PLXNC1: variants seen among roughly 807,000 people sequenced by gnomAD.
The protein encoded by PLXNC1 is plexin C1, also known as plexin-C1.
In PLXNC1, 75 loss-of-function variants were observed where a neutral mutation model predicts 178.2. The ratio of observed to expected loss-of-function variants is 0.42; its 90% CI spans 0.35 to 0.51. The LOEUF is 0.51. Ranked by LOEUF, PLXNC1 falls within the 20% of genes least tolerant of loss-of-function variation. PLXNC1 has a pLI of 0.02. For synonymous variants in PLXNC1, 790 were observed against 779.9 expected, an observed-to-expected ratio of 1.01 and a Z score of -0.22; for missense variants, 1,503 against 1,984.4, an observed-to-expected ratio of 0.76 and a Z score of 4.61.
rs1963961555 is a variant in PLXNC1 at position 94,227,081 on chromosome 12, T to C, written c.1894-68T>C. 6 of 1,047,262 alleles carry C rather than the reference T, an allele frequency of 5.7e-6. No homozygotes were observed. In the Admixed American group the frequency reaches 1.1e-4, roughly 19 times the overall value. The allele number at this position is 1,047,262 out of a possible 1,614,324, so 64.9% of individuals were successfully genotyped here. Reference sequence around the variant, plus strand: ...TGTGACTGCCTGGTCCTACCTTCTCTTTTATGTTTGTTGCACACTTTGAAT... The same window carrying C: ...TGTGACTGCCTGGTCCTACCTTCTCCTTTATGTTTGTTGCACACTTTGAAT... On this transcript the variant is annotated intron_variant, in intron 8 of 30. Coordinates refer to ENST00000258526, the MANE Select transcript of PLXNC1 (RefSeq NM_005761.3).
In PLXNC1 at chr12:94,265,178, C is replaced by A. The variant is rs775939649; in HGVS notation, c.3550C>A (p.Leu1184Ile). The stretch of plus-strand genomic sequence containing the variant: ...AATCACTTGCAAAGCCCTGTACACA[C>A]TTAATGAAGACTGGCTGTTGTGGCA... ...DVITCKALYT[L>I]NEDWLLWQVP... Residue 1184 changes from leucine to isoleucine, a missense_variant, in exon 21 of 31, where the codon CTT (leucine) becomes ATT (isoleucine). By Grantham distance (5) the Leu-to-Ile change is conservative. Transcript: ENST00000258526. 6.2e-7 allele frequency: 1 copy of A among 1,613,468 alleles called. No homozygotes were observed. Among genetic ancestry groups the A allele is most frequent in the Admixed American group, 1.7e-5 (1 of 60,010 alleles).
In PLXNC1 at chr12:94,247,950, T is replaced by C. The variant is rs1393699674; in HGVS notation, c.2436T>C (p.Ser812=). 1 of 1,614,100 alleles carries C rather than the reference T, an allele frequency of 6.2e-7. No homozygotes were observed. Among genetic ancestry groups the C allele is most frequent in the Non-Finnish European group, 8.5e-7 (1 of 1,180,026 alleles). ...VATYCGFLAP[S]LKSSKVRTNV... is the part of the protein sequence containing the mutation. ...CTTACTGCGGGTTTTTAGCCCCCAGTTTAAAGAGTTCAAAAGTGCGCACGA... is the reference window on the plus strand; with the variant it reads ...CTTACTGCGGGTTTTTAGCCCCCAGCTTAAAGAGTTCAAAAGTGCGCACGA... The change falls in exon 13 of 31, where the codon AGT becomes AGC. Residue 812 remains serine, a synonymous_variant. Coordinates refer to ENST00000258526, the MANE Select transcript of PLXNC1 (RefSeq NM_005761.3).
In PLXNC1 at chr12:94,169,258, T is replaced by G. The variant is rs1961750329; in HGVS notation, c.1168T>G (p.Leu390Val). The change falls in exon 2 of 31, where the codon TTA becomes GTA. Residue 390 changes from leucine to valine, a missense_variant. Around this residue, in one of 4 missense-constraint regions of PLXNC1, gnomAD observed 615 missense variants for 698.6 expected, o/e 0.88. Transcript: ENST00000258526. ...CACCGTGGTAATGAACAGGACTGTT[T>G]TATTCTTGGGGACTGGAGATGGCCA... is the stretch of plus-strand genomic sequence containing the variant. ...YGTVVMNRTVLFLGTGDGQLL... is the reference protein window; with the variant it reads ...YGTVVMNRTVVFLGTGDGQLL... The G allele has an allele frequency of 6.2e-7, 1 of 1,613,962 alleles. No homozygotes were observed. The highest frequency in any genetic ancestry group is 8.5e-7 in the Non-Finnish European group (1 of 1,179,966).
At chr12:94,250,160 G>A (rs1192706600) in intron 14 of PLXNC1, among the ~76,000 whole-genome samples, 1 of 152,176 alleles carries the variant, frequency 6.6e-6, no homozygotes, top group Non-Finnish European at 1.5e-5. Flanking sequence ...AGGCCAGTGT[G>A]ACTGGAGTGG....
chr12:94,158,759 G>A (rs1387977809), intron 1 of PLXNC1, among the ~76,000 whole-genome samples: 2 of 152,144 alleles, frequency 1.3e-5, no homozygotes, highest in East Asian at 1.9e-4. Context: ...AACGTAACAC[G>A]ACCCTGTCTC....
At chr12:94,157,221 C>T (rs1257280699) in intron 1 of PLXNC1, among the ~76,000 whole-genome samples, 1 of 152,180 alleles carries the variant, frequency 6.6e-6, no homozygotes, top group Non-Finnish European at 1.5e-5. Flanking sequence ...ATGCAATTGT[C>T]CCCAGCAGGT....
chr12:94,248,392 A>G lies in PLXNC1; in HGVS notation c.2758A>G (p.Asn920Asp), dbSNP rs1420546580. The G allele has an allele frequency of 6.2e-7, 1 of 1,606,820 alleles. No homozygotes were observed. The highest frequency in any genetic ancestry group is 1.3e-5 in the African/African-American group (1 of 74,396). Residue 920 changes from asparagine to aspartate, a missense_variant, in exon 14 of 31, where the codon AAC becomes GAC. Around this residue, in one of 4 missense-constraint regions of PLXNC1, gnomAD observed 639 missense variants for 979.7 expected, o/e 0.65. Transcript: ENST00000258526. ...KGIKTASTIA[N>D]SSKKVRVKLG... ...CATCAAGACTGCAAGCACCATTGCC[A>G]ACTCTTCTAAGAAAGTTCGGGTAAG...
chr12:94,212,261 G>A (rs1251288507), intron 5 of PLXNC1, among the ~76,000 whole-genome samples: 3 of 113,028 alleles, frequency 2.7e-5, no homozygotes, highest in Admixed American at 2.3e-4. Flanking sequence ...GCGACAGAGC[G>A]AGACTCCGTC....
intron 1 of PLXNC1, among the ~76,000 whole-genome samples, chr12:94,157,400 C>G (rs932594538): frequency 6.6e-6 from 1 of 152,168 alleles, no homozygotes; most frequent in African/African-American, 2.4e-5. Context: ...ACTGGGAAAC[C>G]CCAAAGTCGA....
Position 94,181,471 on chromosome 12 carries a change from C to G in PLXNC1, c.1229C>G (p.Ser410Ter), listed in dbSNP as rs752253626. Reference protein sequence around the residue: ...LKVILGENLTSNCPEVIYEIK... With the variant: ...LKVILGENLT ...GTTATTCTTGGTGAGAATTTGACTTCAAATTGTCCAGAGGTTATCTATGAA... is the reference window on the plus strand; with the variant it reads ...GTTATTCTTGGTGAGAATTTGACTTGAAATTGTCCAGAGGTTATCTATGAA... Residue 410 changes from serine (S) to a stop codon, truncating the protein, a stop_gained, in exon 3 of 31, where the codon TCA becomes TGA. Coordinates refer to ENST00000258526, the MANE Select transcript of PLXNC1 (RefSeq NM_005761.3). LOFTEE classifies it high-confidence loss of function. 3 of 1,568,946 alleles carry G rather than the reference C, an allele frequency of 1.9e-6. No homozygotes were observed. The African/African-American group carries it at 4.1e-5, about 21-fold the overall frequency.
chr12:94,151,988 A>C (rs1960975555), intron 1 of PLXNC1, among the ~76,000 whole-genome samples: 1 of 152,230 alleles, frequency 6.6e-6, no homozygotes, highest in Non-Finnish European at 1.5e-5. Flanking sequence ...AAAATCTGGA[A>C]CTGGAAAAAT....
intron 6 of PLXNC1, among the ~76,000 whole-genome samples, chr12:94,223,871 C>A (rs1592782535): frequency 6.6e-6 from 1 of 152,152 alleles, no homozygotes; most frequent in African/African-American, 2.4e-5. Flanking sequence ...ACTTCTTGCT[C>A]GGTGACTTGT....
intron 11 of PLXNC1, among the ~76,000 whole-genome samples, chr12:94,241,714 A>G (rs976561330): frequency 6.6e-6 from 1 of 152,232 alleles, no homozygotes; most frequent in Admixed American, 6.5e-5. Context: ...TGTATGCTGA[A>G]TAATACTCCA....
In PLXNC1 at chr12:94,207,811, AT is replaced by A; in HGVS notation, c.1440-1776del. On this transcript the variant is annotated intron_variant, in intron 4 of 30. Coordinates refer to ENST00000258526, the MANE Select transcript of PLXNC1 (RefSeq NM_005761.3). ...CTACAAATTGGCAAATTGTAGCACTATTTGTATGAAATATTTTACACTTGTT... is the reference window on the plus strand; with the variant it reads ...CTACAAATTGGCAAATTGTAGCACTATTGTATGAAATATTTTACACTTGTT... Among the ~76,000 whole-genome samples the A allele has an allele frequency of 1.3e-5, 2 of 152,314 alleles. 1 individual carries two copies. The highest frequency in any genetic ancestry group is 4.1e-4 in the South Asian group (2 of 4,834).
chr12:94,292,394 G>A (rs920278114), intron 23 of PLXNC1, among the ~76,000 whole-genome samples: 5 of 152,208 alleles, frequency 3.3e-5, no homozygotes, highest in Non-Finnish European at 7.3e-5. Flanking sequence ...TATATTTAAT[G>A]TGAATAGTCA....
At chr12:94,207,592 G>A (rs1020788211) in intron 4 of PLXNC1, among the ~76,000 whole-genome samples, 2 of 152,178 alleles carry the variant, frequency 1.3e-5, no homozygotes, top group African/African-American at 2.4e-5. Context: ...ATTTGCTAAA[G>A]AAATATTAAA....
At position 94,210,691 on chromosome 12, in the gene PLXNC1, G is replaced by T. The variant is rs147167157; in HGVS notation, c.1554+987G>T. 5.8e-3 allele frequency among the ~76,000 whole-genome samples: 877 copies of T among 152,318 alleles called. 12 individuals carry two copies. Among genetic ancestry groups the T allele is most frequent in the African/African-American group, 0.02 (831 of 41,564 alleles). ...AATAATAAAATAATCAAGCTTCTAA[G>T]TTGTAACTGATCAGAACGAACAGAT... On this transcript the variant is annotated intron_variant, in intron 5 of 30. Coordinates refer to ENST00000258526, the MANE Select transcript of PLXNC1 (RefSeq NM_005761.3).
chr12:94,207,502 G>T (rs541155126), intron 4 of PLXNC1, among the ~76,000 whole-genome samples: 6 of 152,092 alleles, frequency 3.9e-5, no homozygotes, highest in Non-Finnish European at 7.3e-5. Flanking sequence ...GACCTATAGA[G>T]ATTTCATATT....
intron 24 of PLXNC1, among the ~76,000 whole-genome samples, chr12:94,296,907 A>AT (rs1967977667): frequency 6.6e-6 from 1 of 152,180 alleles, no homozygotes; most frequent in Non-Finnish European, 1.5e-5. Flanking sequence ...TTCTAGGTAC[A>AT]TTTGTTAAAT....
Sources: gnomAD v4.1 joint callset for allele counts (sites outside exome capture counted in the v4.1 genomes callset) on GRCh38, gnomAD v4.1.1 for gene constraint, gnomAD v4.1.1 regional missense constraint, MANE v1.5 for transcripts, NCBI Gene and HGNC (gene_info 2026-07-23, HGNC 2026-07-21) for gene names.